The following DDX10 variants were observed in gnomAD, a reference collection of about 807,000 sequenced individuals.
DDX10 encodes probable ATP-dependent RNA helicase DDX10.
A neutral mutation model predicts 104.3 loss-of-function variants in DDX10; 74 were observed. That is an observed-to-expected ratio of 0.71 (90% CI 0.59 to 0.86). The LOEUF (loss-of-function observed/expected upper bound fraction) is 0.86, where lower values mean the gene tolerates loss of function less well. DDX10 is among the 40% of genes least tolerant of loss of function. The pLI is 0.00. For synonymous variants in DDX10, 351 were observed against 353.4 expected (o/e 0.99, Z 0.08); for missense variants, 952 against 1,040.0 (o/e 0.92, Z 1.16).
intron 13 of DDX10, among the ~76,000 whole-genome samples, chr11:108,787,174 A>G (rs1420251590): frequency 2.6e-5 from 4 of 151,994 alleles, no homozygotes; most frequent in Admixed American, 6.6e-5. Flanking sequence ...TAGACCTCCA[A>G]TCTCTTCTGG....
intron 13 of DDX10, among the ~76,000 whole-genome samples, chr11:108,754,422 G>T (rs977644509): frequency 6.6e-5 from 10 of 152,010 alleles, no homozygotes; most frequent in Non-Finnish European, 1.2e-4. Flanking sequence ...TTTTCAGGTG[G>T]AATGAGGTTA....
At chr11:108,893,952 T>C (rs1478214758) in intron 16 of DDX10, among the ~76,000 whole-genome samples, 1 of 152,124 alleles carries the variant, frequency 6.6e-6, no homozygotes, top group African/African-American at 2.4e-5. Flanking sequence ...ATATTTTCTT[T>C]GATTTTGTCA....
chr11:108,722,901 C>G, intron 12 of DDX10, 96 bp from the exon 13 acceptor site: 1 of 1,450,304 alleles, frequency 6.9e-7, no homozygotes, highest in Non-Finnish European at 9.1e-7. Flanking sequence ...TTTAAAAAAG[C>G]TCTAGGAATC....
At chr11:108,779,917 T>G (rs1303944889) in intron 13 of DDX10, among the ~76,000 whole-genome samples, 3 of 152,136 alleles carry the variant, frequency 2.0e-5, no homozygotes, top group Non-Finnish European at 4.4e-5. Context: ...AACAAAACCT[T>G]TGGAGTGAGA....
intron 17 of DDX10, among the ~76,000 whole-genome samples, chr11:108,934,938 C>G (rs1392999045): frequency 6.6e-6 from 1 of 152,124 alleles, no homozygotes. Context: ...CTGTTAACTC[C>G]GCTGGAAGTC....
At chr11:108,779,286 C>A (rs985841397) in intron 13 of DDX10, among the ~76,000 whole-genome samples, 21 of 152,184 alleles carry the variant, frequency 1.4e-4, no homozygotes, top group Non-Finnish European at 2.8e-4. Flanking sequence ...TGGACCCAAC[C>A]CAAATGTCTA....
intron 13 of DDX10, among the ~76,000 whole-genome samples, chr11:108,749,716 A>G (rs2094336131): frequency 6.6e-6 from 1 of 152,232 alleles, no homozygotes; most frequent in African/African-American, 2.4e-5. Context: ...AAAATTAAGT[A>G]TTTAATGATC....
At chr11:108,907,987 A>G (rs936067781) in intron 16 of DDX10, among the ~76,000 whole-genome samples, 5 of 152,252 alleles carry the variant, frequency 3.3e-5, no homozygotes, top group Admixed American at 2.6e-4. Context: ...ATAATTTCTC[A>G]GCACTGTCAG....
At chr11:108,846,677 T>G (rs1277614266) in intron 15 of DDX10, among the ~76,000 whole-genome samples, 1 of 152,242 alleles carries the variant, frequency 6.6e-6, no homozygotes, top group Non-Finnish European at 1.5e-5. Flanking sequence ...CATTGTTTGT[T>G]GATGGGCACT....
chr11:108,846,889 A>G (rs1285083173), intron 15 of DDX10, among the ~76,000 whole-genome samples: 1 of 152,172 alleles, frequency 6.6e-6, no homozygotes, highest in African/African-American at 2.4e-5. Context: ...GTAGAACTCA[A>G]GCTGCCTGCT....
rs567203952 is a variant in DDX10, at chr11:108,783,205, T to A, written c.1966-55241T>A. ...AGCTTTTTAAAGATATGAGACTGTT[T>A]CAGTCATCTTTATACATCAAGTGCC... On this transcript the variant is annotated intron_variant, in intron 13 of 17. Coordinates refer to ENST00000322536, the MANE Select transcript of DDX10 (RefSeq NM_004398.4). Among the ~76,000 whole-genome samples the A allele has an allele frequency of 3.3e-3, 501 of 152,320 alleles. 1 individual carries two copies. Among genetic ancestry groups the A allele is most frequent in the African/African-American group, 0.011 (471 of 41,592 alleles).
Position 108,918,035 on chromosome 11 carries a change from G to GTAAATACATTTTA in DDX10, c.2450+17_2450+18insTAAATACATTTTA. The GTAAATACATTTTA allele has an allele frequency of 6.2e-7, 1 of 1,605,380 alleles. No homozygotes were observed. The highest frequency in any genetic ancestry group is 8.5e-7 in the Non-Finnish European group (1 of 1,172,512). ...TAAAATAAGGTATGTTTTTACTATG[G>GTAAATACATTTTA]GTATGAAATACATACTTAGTACTCT... On this transcript the variant is annotated intron_variant, in intron 17 of 17. Coordinates refer to ENST00000322536, the MANE Select transcript of DDX10 (RefSeq NM_004398.4).
intron 16 of DDX10, among the ~76,000 whole-genome samples, chr11:108,869,420 A>T (rs1472504703): frequency 6.6e-6 from 1 of 152,148 alleles, no homozygotes. Context: ...ACATATTTGA[A>T]ATAAGACATG....
chr11:108,697,029 G>A (rs969720316), intron 9 of DDX10, among the ~76,000 whole-genome samples: 8 of 152,062 alleles, frequency 5.3e-5, no homozygotes, highest in Non-Finnish European at 1.2e-4. Flanking sequence ...GAGATGAAGA[G>A]GAGTTAGAAC....
intron 13 of DDX10, among the ~76,000 whole-genome samples, chr11:108,816,047 C>CTT (rs200856925): frequency 6.9e-6 from 1 of 145,898 alleles, no homozygotes. Context: ...CTCCTAGCAA[C>CTT]TTTTTTTTTT....
intron 13 of DDX10, among the ~76,000 whole-genome samples, chr11:108,745,314 G>A (rs986251387): frequency 4.0e-5 from 6 of 149,308 alleles, no homozygotes; most frequent in African/African-American, 1.5e-4. Flanking sequence ...GTGCAGTGGC[G>A]AGATCATGGC....
At chr11:108,682,253 C>T (rs563399289) in intron 6 of DDX10, among the ~76,000 whole-genome samples, 1 of 152,132 alleles carries the variant, frequency 6.6e-6, no homozygotes, top group South Asian at 2.1e-4. Context: ...TACAGGTGCC[C>T]ACCACCATGC....
intron 9 of DDX10, among the ~76,000 whole-genome samples, chr11:108,696,256 A>C (rs933724958): frequency 6.6e-6 from 1 of 152,110 alleles, no homozygotes; most frequent in Non-Finnish European, 1.5e-5. Context: ...AGCTCACTGC[A>C]ACCTCCGCCT....
At chr11:108,866,694 A>G (rs1863011801) in intron 16 of DDX10, among the ~76,000 whole-genome samples, 1 of 152,176 alleles carries the variant, frequency 6.6e-6, no homozygotes, top group African/African-American at 2.4e-5. Context: ...ACTATTGCAT[A>G]CCATATACTG....
Sources: gnomAD v4.1 joint callset for allele counts (sites outside exome capture counted in the v4.1 genomes callset) on GRCh38, gnomAD v4.1.1 for gene constraint, MANE v1.5 for transcripts, NCBI Gene and HGNC (gene_info 2026-07-23, HGNC 2026-07-21) for gene names.